Variants in DLGAP4 observed in about 807,000 individuals in gnomAD.
DLGAP4 encodes the protein disks large-associated protein 4.
In DLGAP4, 18 loss-of-function variants were observed where a neutral mutation model predicts 86.9. That is an observed-to-expected ratio of 0.21 (90% CI 0.14 to 0.31). The LOEUF is 0.31. DLGAP4 is among the 10% of genes least tolerant of loss of function. DLGAP4 has a pLI of 1.00. For synonymous variants in DLGAP4, 548 were observed against 574.3 expected, an observed-to-expected ratio of 0.95 and a Z score of 0.65; for missense variants, 1,085 against 1,362.6, an observed-to-expected ratio of 0.80 and a Z score of 3.21.
chr20:36,382,905 A>C (rs900148412), intron 2 of DLGAP4, among the ~76,000 whole-genome samples: 2 of 152,148 alleles, frequency 1.3e-5, no homozygotes, highest in Non-Finnish European at 2.9e-5. Context: ...GACCTAGCAC[A>C]TAGTAGACAC....
intron 4 of DLGAP4, 42 bp downstream of exon 4, chr20:36,436,392 A>G (rs1384255299): frequency 1.3e-6 from 2 of 1,532,206 alleles, no homozygotes; most frequent in Non-Finnish European, 1.7e-6. Context: ...CCCAGAGGCA[A>G]GCCCCGCCCA....
rs1400268316 is a variant in DLGAP4, at chr20:36,431,200, G to A, written c.-72-446G>A. On this transcript the variant is annotated intron_variant, in intron 2 of 12. Transcript: ENST00000339266. The surrounding 1 kb of genome is among the most constrained non-coding windows in gnomAD (Gnocchi z 5.1). ...CACAGGGACCATCCTGGGGTTCCGG[G>A]ATGACTGTTTGGGGGCCTGTGGACA... Among the ~76,000 whole-genome samples the A allele has an allele frequency of 6.6e-6, 1 of 152,098 alleles. No homozygotes were observed. The highest frequency in any genetic ancestry group is 1.5e-5 in the Non-Finnish European group (1 of 68,030).
intron 7 of DLGAP4, among the ~76,000 whole-genome samples, chr20:36,491,616 T>G (rs2035666008): frequency 6.6e-6 from 1 of 151,894 alleles, no homozygotes; most frequent in Non-Finnish European, 1.5e-5. Flanking sequence ...CACTGTGCAT[T>G]TGGTTCTCTG....
chr20:36,311,383 C>G (rs1251345025), intron 1 of DLGAP4, among the ~76,000 whole-genome samples: 1 of 152,104 alleles, frequency 6.6e-6, no homozygotes, highest in East Asian at 1.9e-4. Flanking sequence ...TTCGCAACGC[C>G]GCCTCCTCCC....
chr20:36,439,885 G>A lies in DLGAP4; in HGVS notation c.1356+17G>A, dbSNP rs2033396946. ...ATCAGCCAGGTGAGGGTGGCAGGGAGGCTGGAGAGTCAGGGGGCTTGGGTA... is the reference window on the plus strand; with the variant it reads ...ATCAGCCAGGTGAGGGTGGCAGGGAAGCTGGAGAGTCAGGGGGCTTGGGTA... On this transcript the variant is annotated intron_variant, in intron 5 of 12. Coordinates refer to ENST00000339266, the MANE Select transcript of DLGAP4 (RefSeq NM_001365621.2). The A allele has an allele frequency of 1.9e-6, 3 of 1,605,768 alleles. No individual in the cohort carries two copies. The highest frequency in any genetic ancestry group is 3.3e-4 in the Middle Eastern group (2 of 6,056).
intron 1 of DLGAP4, among the ~76,000 whole-genome samples, chr20:36,332,580 G>C (rs1320568065): frequency 6.6e-6 from 1 of 152,068 alleles, no homozygotes; most frequent in African/African-American, 2.4e-5. Flanking sequence ...AGTAGAGACA[G>C]GGTTTTGCCA....
At chr20:36,451,644 C>T (rs928083680) in intron 7 of DLGAP4, among the ~76,000 whole-genome samples, 5 of 152,138 alleles carry the variant, frequency 3.3e-5, no homozygotes, top group African/African-American at 1.2e-4. Flanking sequence ...AGCCACCACG[C>T]CTGGCTCTAC....
At chr20:36,474,346 G>T (rs576534301) in intron 7 of DLGAP4, among the ~76,000 whole-genome samples, 2 of 152,188 alleles carry the variant, frequency 1.3e-5, no homozygotes, top group African/African-American at 2.4e-5. Flanking sequence ...AAGAAGGGCA[G>T]ACTGTCCAGG....
chr20:36,417,132 G>A (rs1048504820), intron 2 of DLGAP4, among the ~76,000 whole-genome samples: 2 of 152,136 alleles, frequency 1.3e-5, no homozygotes, highest in African/African-American at 2.4e-5. Flanking sequence ...TTGAGAGAAC[G>A]CAGTGGGAGG....
intron 1 of DLGAP4, among the ~76,000 whole-genome samples, chr20:36,363,524 C>T (rs1555894397): frequency 3.9e-5 from 6 of 152,042 alleles, no homozygotes; most frequent in Non-Finnish European, 8.8e-5. Flanking sequence ...CTGCTGATGG[C>T]TTGCGTGTGA....
chr20:36,514,654 TCCC>T (rs34481596), intron 10 of DLGAP4, among the ~76,000 whole-genome samples: 4 of 151,764 alleles, frequency 2.6e-5, no homozygotes, highest in African/African-American at 4.8e-5. Context: ...GTTTAAACAA[TCCC>T]CCCATCTCAG....
chr20:36,475,766 G>A (rs917241972), intron 7 of DLGAP4, among the ~76,000 whole-genome samples: 8 of 152,180 alleles, frequency 5.3e-5, no homozygotes, highest in Non-Finnish European at 1.0e-4. Flanking sequence ...TTTGGAATGA[G>A]TAAAATCAAA....
At chr20:36,515,443 A>G (rs1044187240) in intron 10 of DLGAP4, among the ~76,000 whole-genome samples, 2 of 152,184 alleles carry the variant, frequency 1.3e-5, no homozygotes, top group Non-Finnish European at 2.9e-5. Flanking sequence ...TGTAATCAGC[A>G]TATACCTGGA....
chr20:36,479,049 A>G (rs527410908), intron 7 of DLGAP4, among the ~76,000 whole-genome samples: 18 of 152,272 alleles, frequency 1.2e-4, no homozygotes, highest in African/African-American at 3.8e-4. Context: ...GCAGAGTTCT[A>G]TGGACAGGAT....
rs182580307 is a variant in DLGAP4 at position 36,445,563 on chromosome 20, A to G, written c.1408-1134A>G. ...CATCCACCCTCCAAATTGGGTGAAC[A>G]CCCATCTAGTTGTTTGACCTGATGC... On this transcript the variant is annotated intron_variant, in intron 6 of 12. Coordinates refer to ENST00000339266, the MANE Select transcript of DLGAP4 (RefSeq NM_001365621.2). 3.0e-3 allele frequency among the ~76,000 whole-genome samples: 455 copies of G among 152,274 alleles called. 2 individuals carry two copies. Among genetic ancestry groups the G allele is most frequent in the Middle Eastern group, 0.01 (3 of 294 alleles).
intron 7 of DLGAP4, chr20:36,461,606 G>A: frequency 2.1e-6 from 2 of 950,716 alleles, no homozygotes; most frequent in Non-Finnish European, 1.2e-6. Context: ...GACGCCCGGG[G>A]CCCGCCCAGC....
chr20:36,461,682 TGCCCCGCCCCC>T, intron 7 of DLGAP4: 1 of 62,028 alleles, frequency 1.6e-5, no homozygotes, highest in Non-Finnish European at 2.1e-5. Context: ...GGCCCGGCCC[TGCCCCGCCCCC>T]GCCCTCGCCC....
intron 10 of DLGAP4, among the ~76,000 whole-genome samples, chr20:36,501,837 T>C (rs1260435731): frequency 2.0e-5 from 3 of 152,176 alleles, no homozygotes; most frequent in African/African-American, 7.2e-5. Flanking sequence ...CACCCACTAG[T>C]GCAGGGGAAC....
intron 7 of DLGAP4, among the ~76,000 whole-genome samples, chr20:36,496,392 C>T (rs186783630): frequency 1.5e-3 from 230 of 152,328 alleles, no homozygotes; most frequent in African/African-American, 5.1e-3. Flanking sequence ...CGTGGCCCCA[C>T]GCACTTCACC....
Sources: allele counts gnomAD v4.1 joint callset (sites outside exome capture counted in the v4.1 genomes callset), GRCh38; gene constraint gnomAD v4.1.1; non-coding constraint Gnocchi (gnomAD v3.1); transcripts MANE v1.5; gene names NCBI Gene and HGNC (gene_info 2026-07-23, HGNC 2026-07-21).